TJAP1: variants seen among roughly 807,000 people sequenced by gnomAD.
TJAP1 encodes tight junction associated protein 1.
A neutral mutation model predicts 42.0 loss-of-function variants in TJAP1; 27 were observed. The ratio of observed to expected loss-of-function variants is 0.64; its 90% CI spans 0.47 to 0.89. TJAP1 has a LOEUF of 0.89. Ranked by LOEUF, TJAP1 falls within the 40% of genes least tolerant of loss-of-function variation. The probability of loss-of-function intolerance (pLI) is 0.00; values close to 1 mark genes in which losing one functional copy is unlikely to be tolerated. For synonymous variants in TJAP1, 257 were observed against 288.4 expected (o/e 0.89, Z 1.10); for missense variants, 712 against 726.9 (o/e 0.98, Z 0.24).
exon 7 of TJAP1, chr6:43,502,323 G>C (rs1164741973): frequency 1.2e-6 from 2 of 1,613,852 alleles, no homozygotes; most frequent in South Asian, 2.2e-5. Flanking sequence ...GACCAACCAG[G>C]AGTTGGAGGA....
rs924898836 is a variant in TJAP1, at chr6:43,500,729, C to G, written c.100-15C>G. On this transcript the variant is annotated splice_polypyrimidine_tract_variant and intron_variant, in intron 4 of 10. Coordinates refer to ENST00000372449, the Ensembl canonical transcript of TJAP1. Reference sequence around the variant, plus strand: ...TGGTCCAGAGCTGAGCCTCAAGCCTCTCTTTTTTGCCTAGGAACCCCTGAC... The same window carrying G: ...TGGTCCAGAGCTGAGCCTCAAGCCTGTCTTTTTTGCCTAGGAACCCCTGAC... The G allele has an allele frequency of 2.2e-5, 36 of 1,614,028 alleles. No homozygotes were observed. The highest frequency in any genetic ancestry group is 9.3e-5 in the African/African-American group (7 of 74,918).
At chr6:43,503,737 A>G in intron 10 of TJAP1, 31 bp downstream of exon 10, 4 of 1,596,532 alleles carry the variant, frequency 2.5e-6, no homozygotes, top group Non-Finnish European at 3.4e-6. Context: ...CCCTGCCCAC[A>G]TAGACCATTC....
At chr6:43,486,652 G>A (rs928259829) in intron 2 of TJAP1, among the ~76,000 whole-genome samples, 3 of 152,094 alleles carry the variant, frequency 2.0e-5, no homozygotes, top group African/African-American at 7.2e-5. Context: ...CACCATGCCC[G>A]GCTCCAGTAG....
exon 4 of TJAP1, chr6:43,498,998 C>CA (rs1480860711): frequency 1.2e-6 from 2 of 1,613,690 alleles, no homozygotes; most frequent in South Asian, 1.1e-5. Context: ...CGTCACCTCC[C>CA]AGAATGACTA....
chr6:43,502,074 ACACTCTCT>A (rs1261699635), intron 6 of TJAP1, among the ~76,000 whole-genome samples: 2 of 94,692 alleles, frequency 2.1e-5, no homozygotes, highest in African/African-American at 5.5e-5. Flanking sequence ...ACACACACAC[ACACTCTCT>A]CTCTCTCTCT....
At chr6:43,502,395 A>G (rs1181306383) in intron 7 of TJAP1, 46 bp downstream of exon 7, 1 of 1,601,054 alleles carries the variant, frequency 6.2e-7, no homozygotes, top group East Asian at 2.2e-5. Context: ...TGCTCATAGC[A>G]TAGCAGGGGG....
At chr6:43,502,995 C>T in intron 8 of TJAP1, 1 of 454,920 alleles carries the variant, frequency 2.2e-6, no homozygotes, top group Non-Finnish European at 4.0e-6. Context: ...GCCCTGGCTG[C>T]CACCGCGCCC....
chr6:43,498,867 A>G (rs1456517884), intron 3 of TJAP1, 111 bp from the exon 4 acceptor site: 11 of 1,162,242 alleles, frequency 9.5e-6, no homozygotes, highest in African/African-American at 1.5e-5. Flanking sequence ...CAGGCCTGTC[A>G]GCCTATGTGG....
Position 43,501,756 on chromosome 6 carries a change from ACACT to A in TJAP1, c.290+71_290+74del, listed in dbSNP as rs1438919121. ...CACACACACACACACACACACACACACACTCTCTCTGTCTCTCTCTCTCTCTGTG... is the reference window on the plus strand; with the variant it reads ...CACACACACACACACACACACACACACTCTCTGTCTCTCTCTCTCTCTGTG... On this transcript the variant is annotated intron_variant, in intron 6 of 10. Coordinates refer to ENST00000372449, the Ensembl canonical transcript of TJAP1. 2.8e-3 allele frequency: 1,464 copies of A among 521,862 alleles called. 5 individuals carry two copies. In the African/African-American group the frequency reaches 0.038, roughly 14 times the overall value. The allele number at this position is 521,862 out of a possible 1,614,324, so 32.3% of individuals were successfully genotyped here.
chr6:43,488,058 A>T (rs894662673), intron 2 of TJAP1, among the ~76,000 whole-genome samples: 8 of 151,972 alleles, frequency 5.3e-5, no homozygotes, highest in African/African-American at 1.9e-4. Context: ...TTTAGTAGAG[A>T]CGGGGGTTTC....
At chr6:43,506,227 T>G (rs1220965297) in exon 11 of TJAP1, 16 of 173,160 alleles carry the variant, frequency 9.2e-5, no homozygotes, top group Non-Finnish European at 1.7e-4. Flanking sequence ...TGTTATTTTG[T>G]TTTTTTTTGG....
intron 3 of TJAP1, 93 bp from the exon 4 acceptor site, chr6:43,498,885 A>C (rs1789856715): frequency 1.4e-6 from 2 of 1,390,632 alleles, no homozygotes; most frequent in African/African-American, 2.8e-5. Context: ...TGGTGGCCTC[A>C]ACATATGTCC....
chr6:43,504,730 G>GATGTAA (rs766088002), intron 10 of TJAP1, 31 bp from the exon 11 acceptor site: 7 of 1,594,008 alleles, frequency 4.4e-6, no homozygotes, highest in Non-Finnish European at 6.0e-6. Context: ...TGCGATCATT[G>GATGTAA]ATGTCTCTCT....
rs563635573 is a variant in TJAP1 at position 43,502,047 on chromosome 6, G to GACACACACACAC, written c.291-217_291-206dup. Among the ~76,000 whole-genome samples the GACACACACACAC allele has an allele frequency of 4.5e-4, 10 of 22,266 alleles. 1 individual carries two copies. The highest frequency in any genetic ancestry group is 1.7e-3 in the African/African-American group (7 of 4,132). The allele number at this position is 22,266 out of a possible 152,430, so 14.6% of individuals were successfully genotyped here. On this transcript the variant is annotated intron_variant, in intron 6 of 10. Coordinates refer to ENST00000372449, the Ensembl canonical transcript of TJAP1. ...AGTTCTGCAGGTGTGGGAATGCGGG[G>GACACACACACAC]ACACACACACACACACACACACACA... is the stretch of plus-strand genomic sequence containing the variant.
chr6:43,500,670 G>A, intron 4 of TJAP1, 74 bp from the exon 5 acceptor site: 2 of 1,563,974 alleles, frequency 1.3e-6, no homozygotes, highest in South Asian at 1.1e-5. Context: ...GCCTTCTTGT[G>A]GCTATTTGGA....
At chr6:43,503,193 A>G (rs1791370449) in intron 8 of TJAP1, 3 of 585,676 alleles carry the variant, frequency 5.1e-6, no homozygotes, top group Non-Finnish European at 9.1e-6. Context: ...GCAGGAAGTC[A>G]TGCTAAGAAA....
chr6:43,504,182 T>G, intron 10 of TJAP1: 1 of 252,656 alleles, frequency 4.0e-6, no homozygotes, highest in South Asian at 4.8e-5. Flanking sequence ...TGGCACAATC[T>G]CGGCTCACTG....
At chr6:43,485,811 C>T (rs1786333650) in intron 2 of TJAP1, among the ~76,000 whole-genome samples, 1 of 152,216 alleles carries the variant, frequency 6.6e-6, no homozygotes, top group African/African-American at 2.4e-5. Flanking sequence ...ATCTATCTGG[C>T]AAAACCTTTT....
exon 9 of TJAP1, chr6:43,503,494 C>A (rs374538352): frequency 7.1e-5 from 115 of 1,613,990 alleles, no homozygotes; most frequent in Non-Finnish European, 8.9e-5. Flanking sequence ...CATCAACAAG[C>A]TGGAAGAGCT....
Sources: allele counts gnomAD v4.1 joint callset (sites outside exome capture counted in the v4.1 genomes callset), GRCh38; gene constraint gnomAD v4.1.1; transcripts MANE v1.5; gene names NCBI Gene and HGNC (gene_info 2026-07-23, HGNC 2026-07-21).